The following ANKS1A variants were observed in gnomAD, a reference collection of about 807,000 sequenced individuals.
ANKS1A encodes ankyrin repeat and SAM domain-containing protein 1A.
In ANKS1A, 55 loss-of-function variants were observed where a neutral mutation model predicts 120.3. The ratio of observed to expected loss-of-function variants is 0.46; its 90% CI spans 0.37 to 0.57. ANKS1A has a LOEUF of 0.57. Ranked by LOEUF, ANKS1A falls within the 20% of genes least tolerant of loss-of-function variation. The pLI, the probability that ANKS1A is intolerant of heterozygous loss-of-function variation, is 0.00. For synonymous variants in ANKS1A, 590 were observed against 604.7 expected, an observed-to-expected ratio of 0.98 and a Z score of 0.36; for missense variants, 1,123 against 1,480.3, an observed-to-expected ratio of 0.76 and a Z score of 3.96.
chr6:34,908,872 GTTTCT>G (rs1182942751), intron 1 of ANKS1A, among the ~76,000 whole-genome samples: 2 of 150,922 alleles, frequency 1.3e-5, no homozygotes, highest in Admixed American at 1.3e-4. Context: ...AGGGGAGTGT[GTTTCT>G]TTTATTAGTA....
intron 1 of ANKS1A, among the ~76,000 whole-genome samples, chr6:34,906,912 T>C (rs1226082491): frequency 6.6e-6 from 1 of 152,196 alleles, no homozygotes; most frequent in Non-Finnish European, 1.5e-5. Context: ...GTGGTAACTT[T>C]ATAGTGGGAA....
chr6:35,091,423 G>GTCTT (rs1484762156), downstream of ANKS1A: 1 of 985,454 alleles, frequency 1.0e-6, no homozygotes, highest in South Asian at 4.7e-5. Flanking sequence ...ATTCTTCTGA[G>GTCTT]TCTTTGAATT....
intron 10 of ANKS1A, among the ~76,000 whole-genome samples, chr6:35,006,360 A>G (rs1473717775): frequency 6.6e-6 from 1 of 151,972 alleles, no homozygotes; most frequent in Non-Finnish European, 1.5e-5. Context: ...TAAAATAACT[A>G]AAAGAGTGTA....
chr6:35,005,472 A>G (rs896628430), intron 10 of ANKS1A, among the ~76,000 whole-genome samples: 2 of 152,242 alleles, frequency 1.3e-5, no homozygotes, highest in East Asian at 1.9e-4. Flanking sequence ...AGGAAAGTTT[A>G]TATTCTTAAA....
At chr6:34,898,854 G>A (rs1005830308) in intron 1 of ANKS1A, among the ~76,000 whole-genome samples, 2 of 152,000 alleles carry the variant, frequency 1.3e-5, no homozygotes, top group Admixed American at 1.3e-4. Context: ...TGTGATATCC[G>A]TGGTATATAT....
intron 1 of ANKS1A, among the ~76,000 whole-genome samples, chr6:34,890,959 G>T (rs1353075736): frequency 6.6e-6 from 1 of 152,176 alleles, no homozygotes; most frequent in Non-Finnish European, 1.5e-5. Context: ...ATTTTAAAAA[G>T]CAATATAAGT....
chr6:34,905,865 G>C (rs1341212541), intron 1 of ANKS1A, among the ~76,000 whole-genome samples: 1 of 152,150 alleles, frequency 6.6e-6, no homozygotes, highest in Non-Finnish European at 1.5e-5. Context: ...GGTCTGTCTG[G>C]ATCACTGGGG....
chr6:34,994,341 C>A lies in ANKS1A; in HGVS notation c.1342C>A (p.Arg448=). ...ACCTAGGATTCATGGGAGTGCAGCC[C>A]GGGAAGAAGACGAACACCCTTATGA... The part of the protein sequence containing the change: ...MRPRIHGSAA[R]EEDEHPYELL... Residue 448 remains arginine, a synonymous_variant, in exon 10 of 24, where the codon CGG becomes AGG. Coordinates refer to ENST00000360359, the MANE Select transcript of ANKS1A (RefSeq NM_015245.3). 6.2e-7 allele frequency: 1 copy of A among 1,613,578 alleles called. No homozygotes were observed. The highest frequency in any genetic ancestry group is 8.5e-7 in the Non-Finnish European group (1 of 1,179,670).
intron 11 of ANKS1A, among the ~76,000 whole-genome samples, chr6:35,033,805 T>C (rs1052578744): frequency 1.5e-4 from 23 of 152,192 alleles, no homozygotes; most frequent in Admixed American, 1.2e-3. Flanking sequence ...CATTAACGTC[T>C]CTCTGTGCTC....
At position 34,935,869 on chromosome 6, in the gene ANKS1A, C is replaced by T. The variant is rs888979527; in HGVS notation, c.198-31370C>T. On this transcript the variant is annotated intron_variant, in intron 1 of 23. Coordinates refer to ENST00000360359, the MANE Select transcript of ANKS1A (RefSeq NM_015245.3). The stretch of plus-strand genomic sequence containing the variant: ...CGAGGTCAGGAGATCGAGACCATCC[C>T]GGCTAAAACGGTGAAACCCCGTCTC... Among the ~76,000 whole-genome samples the T allele has an allele frequency of 5.1e-4, 77 of 151,236 alleles. 1 individual carries two copies. Among genetic ancestry groups the T allele is most frequent in the Admixed American group, 3.9e-3 (59 of 15,184 alleles).
In ANKS1A at chr6:35,081,144, C is replaced by G. The variant is rs778240942; in HGVS notation, c.2695C>G (p.Arg899Gly). The G allele has an allele frequency of 1.9e-6, 3 of 1,610,548 alleles. No homozygotes were observed. In the South Asian group the frequency reaches 3.3e-5, roughly 18 times the overall value. Residue 899 changes from arginine (R) to glycine (G), a missense_variant, in exon 17 of 24, where the codon CGC becomes GGC. By Grantham distance (125) the Arg-to-Gly change is moderately radical. Transcript: ENST00000360359. Reference sequence around the variant, plus strand: ...CCCTGCGGCACCCTCCCGAGCGGAGCGCTTCAGGATCCAGGTGGGGCAGGG... The same window carrying G: ...CCCTGCGGCACCCTCCCGAGCGGAGGGCTTCAGGATCCAGGTGGGGCAGGG... ...HDPAAPSRAE[R>G]FRIQEEHREA...
rs554502936 is a variant in ANKS1A at position 34,889,268 on chromosome 6, T to TG, written c.-131dup. Reference sequence around the variant, plus strand: ...CCGGATCCCGGAAGTGACGCGCTCGTGGGGAAAAGGCAGGGAGGGGGTGGT... The same window carrying TG: ...CCGGATCCCGGAAGTGACGCGCTCGTGGGGGAAAAGGCAGGGAGGGGGTGGT... On this transcript the variant is annotated 5_prime_UTR_variant, in exon 1 of 24. Transcript: ENST00000360359. The surrounding 1 kb of genome is among the most constrained non-coding windows in gnomAD (Gnocchi z 5.5). The TG allele has an allele frequency of 5.3e-4, 614 of 1,150,486 alleles. 3 individuals are homozygous for TG. The African/African-American group carries it at 8.1e-3, about 15-fold the overall frequency. The allele number at this position is 1,150,486 out of a possible 1,614,324, so 71.3% of individuals were successfully genotyped here.
chr6:35,025,095 C>G (rs568332748), intron 11 of ANKS1A, among the ~76,000 whole-genome samples: 1 of 151,896 alleles, frequency 6.6e-6, no homozygotes, highest in Admixed American at 6.5e-5. Flanking sequence ...GATGAAACAC[C>G]CTTTATATTT....
downstream of ANKS1A, among the ~76,000 whole-genome samples, chr6:35,093,938 A>G (rs2689097): frequency 0.64 from 96,648 of 151,848 alleles, 30,964 homozygotes; most frequent in Middle Eastern, 0.77. Context: ...TGGTGAAGAG[A>G]CAGAACGCTC....
At chr6:34,924,253 C>T (rs868768683) in intron 1 of ANKS1A, among the ~76,000 whole-genome samples, 1 of 152,050 alleles carries the variant, frequency 6.6e-6, no homozygotes, top group Non-Finnish European at 1.5e-5. Context: ...TTTCAACTAT[C>T]TTCAAGTTTC....
At chr6:34,907,504 A>AT (rs1767701580) in intron 1 of ANKS1A, among the ~76,000 whole-genome samples, 1 of 152,002 alleles carries the variant, frequency 6.6e-6, no homozygotes. Context: ...CAAACGCTAT[A>AT]TTTTTTATCT....
At chr6:34,966,606 G>A (rs1412407371) in intron 1 of ANKS1A, among the ~76,000 whole-genome samples, 1 of 152,232 alleles carries the variant, frequency 6.6e-6, no homozygotes, top group Non-Finnish European at 1.5e-5. Flanking sequence ...GGTCAATGCA[G>A]TAAGGCCAAT....
At chr6:34,895,731 C>T (rs1178240048) in intron 1 of ANKS1A, among the ~76,000 whole-genome samples, 1 of 150,764 alleles carries the variant, frequency 6.6e-6, no homozygotes, top group Non-Finnish European at 1.5e-5. Flanking sequence ...TCTGGGTCTT[C>T]CACTAAACTA....
At position 34,994,400 on chromosome 6, in the gene ANKS1A, G is replaced by C. The variant is rs1191684083; in HGVS notation, c.1401G>C (p.Val467=). ...LLLTAETKKV[V]LVDGKTKDHR... ...TAACAGCAGAGACAAAGAAAGTGGT[G>C]TTGGTGGATGGAAAAACAAAAGGTA... Residue 467 remains valine, a synonymous_variant, in exon 10 of 24, where the codon GTG becomes GTC. Coordinates refer to ENST00000360359, the MANE Select transcript of ANKS1A (RefSeq NM_015245.3). 1.9e-6 allele frequency: 3 copies of C among 1,612,944 alleles called. No individual in the cohort carries two copies. Among genetic ancestry groups the C allele is most frequent in the South Asian group, 2.2e-5 (2 of 91,068 alleles).
Sources: allele counts gnomAD v4.1 joint callset (sites outside exome capture counted in the v4.1 genomes callset), GRCh38; gene constraint gnomAD v4.1.1; non-coding constraint Gnocchi (gnomAD v3.1); transcripts MANE v1.5; gene names NCBI Gene and HGNC (gene_info 2026-07-23, HGNC 2026-07-21).